The following UMAD1 variants were observed in gnomAD, a reference collection of about 807,000 sequenced individuals.
UMAD1 encodes the protein UBAP1-MVB12-associated (UMA) domain containing 1, also known as UBAP1-MVB12-associated (UMA)-domain containing protein 1.
A neutral mutation model predicts 6.1 loss-of-function variants in UMAD1; 8 were observed. That is an observed-to-expected ratio of 1.30 (90% CI 0.76 to 2.35). UMAD1 has a LOEUF of 2.35. Ranked by LOEUF, UMAD1 falls within the 30% of genes most tolerant of loss-of-function variation. The pLI is 0.00. For missense variants in UMAD1, 130 were observed against 78.4 expected, an observed-to-expected ratio of 1.66 and a Z score of -2.49; for synonymous variants, 56 against 31.4, an observed-to-expected ratio of 1.78 and a Z score of -2.61.
rs534182113 is a variant in UMAD1 at position 7,762,271 on chromosome 7, C to G, written c.83-39399C>G. Among the ~76,000 whole-genome samples, 8 of 152,194 alleles carry G rather than the reference C, an allele frequency of 5.3e-5. No homozygotes were observed. The East Asian group carries it at 1.4e-3, about 26-fold the overall frequency. ...AGAACTTTCAAACAAAATAATGAAG[C>G]TTCCCCAGCTTCTAACTTGGGAAGT... On this transcript the variant is annotated intron_variant, in intron 2 of 3. Coordinates refer to ENST00000682710, the MANE Select transcript of UMAD1 (RefSeq NM_001302348.2).
intron 2 of UMAD1, among the ~76,000 whole-genome samples, chr7:7,763,576 T>C (rs1781932019): frequency 1.3e-5 from 2 of 152,232 alleles, no homozygotes; most frequent in African/African-American, 4.8e-5. Flanking sequence ...AATTTAAATA[T>C]ATTTAAGATT....
chr7:7,783,042 A>G (rs4725027), intron 2 of UMAD1, among the ~76,000 whole-genome samples: 96,317 of 151,812 alleles, frequency 0.63, 30,827 homozygotes, highest in Non-Finnish European at 0.69. Flanking sequence ...CTAGTGTATA[A>G]TCTGTTATGT....
intron 2 of UMAD1, among the ~76,000 whole-genome samples, chr7:7,780,884 T>C (rs1215345666): frequency 2.0e-5 from 3 of 152,222 alleles, no homozygotes; most frequent in Non-Finnish European, 4.4e-5. Flanking sequence ...TCCTATGTAA[T>C]ATTCCATTGT....
chr7:7,689,716 A>G (rs1780129080), intron 2 of UMAD1, among the ~76,000 whole-genome samples: 1 of 152,126 alleles, frequency 6.6e-6, no homozygotes, highest in Non-Finnish European at 1.5e-5. Context: ...TAAACTCAAA[A>G]CAATTGGAAA....
chr7:7,857,005 A>G (rs999923072), intron 3 of UMAD1, among the ~76,000 whole-genome samples: 2 of 152,296 alleles, frequency 1.3e-5, no homozygotes, highest in South Asian at 2.1e-4. Context: ...GATCCCAGGT[A>G]TTTTCAATAA....
intron 2 of UMAD1, among the ~76,000 whole-genome samples, chr7:7,684,811 G>T (rs116841994): frequency 2.0e-4 from 31 of 152,238 alleles, no homozygotes; most frequent in Non-Finnish European, 4.1e-4. Context: ...TCAGACTAAC[G>T]CATTCAAGCA....
intron 2 of UMAD1, among the ~76,000 whole-genome samples, chr7:7,694,649 C>G (rs1327224754): frequency 6.6e-6 from 1 of 151,842 alleles, no homozygotes. Context: ...GTTTATCTCT[C>G]TCTGCCTGAC....
chr7:7,727,039 G>T (rs1330912576), intron 2 of UMAD1, among the ~76,000 whole-genome samples: 1 of 152,138 alleles, frequency 6.6e-6, no homozygotes, highest in Non-Finnish European at 1.5e-5. Context: ...CTTCAATAAT[G>T]AAAGTTTGGG....
In UMAD1 at chr7:7,850,922, A is replaced by G. The variant is rs548190733; in HGVS notation, c.157-26359A>G. Among the ~76,000 whole-genome samples the G allele has an allele frequency of 2.5e-4, 38 of 152,294 alleles. 1 individual carries two copies. The highest frequency in any genetic ancestry group is 2.2e-3 in the Admixed American group (33 of 15,302). On this transcript the variant is annotated intron_variant, in intron 3 of 3. Coordinates refer to ENST00000682710, the MANE Select transcript of UMAD1 (RefSeq NM_001302348.2). ...TGGGTTGCAATAAATTTTAAAATGA[A>G]TGTGGATTTATGATATCCAAAAATA...
At chr7:7,677,248 A>G (rs568376357) in intron 2 of UMAD1, among the ~76,000 whole-genome samples, 15 of 152,306 alleles carry the variant, frequency 9.8e-5, no homozygotes, top group African/African-American at 3.4e-4. Flanking sequence ...TTGTGTTAGC[A>G]ACATTCAATT....
intron 2 of UMAD1, among the ~76,000 whole-genome samples, chr7:7,704,364 C>T (rs1336010799): frequency 1.3e-5 from 2 of 151,698 alleles, no homozygotes; most frequent in Non-Finnish European, 2.9e-5. Flanking sequence ...AAAATATTAA[C>T]AGATATAACT....
chr7:7,724,014 G>C (rs6957738), intron 2 of UMAD1, among the ~76,000 whole-genome samples: 1 of 152,010 alleles, frequency 6.6e-6, no homozygotes, highest in South Asian at 2.1e-4. Context: ...CCAGAATTGA[G>C]CCAGTTTACA....
At chr7:7,844,914 A>T (rs1301801596) in intron 3 of UMAD1, among the ~76,000 whole-genome samples, 1 of 152,324 alleles carries the variant, frequency 6.6e-6, no homozygotes, top group East Asian at 1.9e-4. Context: ...TTTATACTTT[A>T]AAACAGTAGA....
chr7:7,676,645 G>A (rs899279625), intron 2 of UMAD1, among the ~76,000 whole-genome samples: 1 of 152,076 alleles, frequency 6.6e-6, no homozygotes, highest in Non-Finnish European at 1.5e-5. Flanking sequence ...TGTTCATAAA[G>A]TTTGGCTTTT....
intron 1 of UMAD1, among the ~76,000 whole-genome samples, chr7:7,646,396 A>G (rs1785093471): frequency 6.6e-6 from 1 of 150,694 alleles, no homozygotes; most frequent in Non-Finnish European, 1.5e-5. Context: ...AATCATGGGG[A>G]CAGTTTCCCC....
rs116555970 is a variant in UMAD1, at chr7:7,691,084, C to T, written c.82+17631C>T. 4.9e-3 allele frequency among the ~76,000 whole-genome samples: 752 copies of T among 152,254 alleles called. 7 individuals are homozygous for T. Among genetic ancestry groups the T allele is most frequent in the African/African-American group, 0.017 (718 of 41,552 alleles). ...GTGCTCCATGTGACCCTTCCTGGAACTGAGCAGAAGTGTTATGCTGCCAAC... is the reference window on the plus strand; with the variant it reads ...GTGCTCCATGTGACCCTTCCTGGAATTGAGCAGAAGTGTTATGCTGCCAAC... On this transcript the variant is annotated intron_variant, in intron 2 of 3. Transcript: ENST00000682710.
intron 2 of UMAD1, among the ~76,000 whole-genome samples, chr7:7,767,101 A>ATAGTGAGC (rs1282491840): frequency 6.6e-6 from 1 of 150,818 alleles, no homozygotes; most frequent in Non-Finnish European, 1.5e-5. Flanking sequence ...TTTATTGTGA[A>ATAGTGAGC]TAGTGAGCAT....
chr7:7,727,154 A>G (rs1217035291), intron 2 of UMAD1, among the ~76,000 whole-genome samples: 1 of 152,244 alleles, frequency 6.6e-6, no homozygotes, highest in East Asian at 1.9e-4. Context: ...ACCAGCTACA[A>G]CCACATGACC....
At chr7:7,721,835 G>A (rs1299669459) in intron 2 of UMAD1, among the ~76,000 whole-genome samples, 5 of 152,142 alleles carry the variant, frequency 3.3e-5, no homozygotes, top group South Asian at 2.1e-4. Context: ...GTCTGTGTGG[G>A]TGTTTTCAAA....
Sources: gnomAD v4.1 joint callset for allele counts (sites outside exome capture counted in the v4.1 genomes callset) on GRCh38, gnomAD v4.1.1 for gene constraint, MANE v1.5 for transcripts, NCBI Gene and HGNC (gene_info 2026-07-23, HGNC 2026-07-21) for gene names.